QTMAN: variants seen among roughly 807,000 people sequenced by gnomAD.
QTMAN encodes the protein tRNA-queuosine alpha-mannosyltransferase.
the QTMAN span, among the ~76,000 whole-genome samples, chr2:144,191,403 A>G: frequency 6.6e-6 from 1 of 152,250 alleles, no homozygotes; most frequent in African/African-American, 2.4e-5. Context: ...TGCAATGTGC[A>G]GAACAAGGAA....
chr2:143,986,079 T>A, the QTMAN span, among the ~76,000 whole-genome samples: 1 of 152,200 alleles, frequency 6.6e-6, no homozygotes, highest in Non-Finnish European at 1.5e-5. Context: ...CTAGAGGTTT[T>A]AAGGGGTCTC....
At chr2:144,232,263 A>T in the QTMAN span, among the ~76,000 whole-genome samples, 4 of 152,214 alleles carry the variant, frequency 2.6e-5, no homozygotes, top group Non-Finnish European at 5.9e-5. Flanking sequence ...ATGAGAGAAA[A>T]TAACAGGTGA....
the QTMAN span, among the ~76,000 whole-genome samples, chr2:144,230,997 C>T: frequency 6.6e-6 from 1 of 151,986 alleles, no homozygotes; most frequent in African/African-American, 2.4e-5. Context: ...AAAAAGTGAG[C>T]AGTGTGAGAT....
chr2:143,954,454 C>T, the QTMAN span, among the ~76,000 whole-genome samples: 2 of 151,822 alleles, frequency 1.3e-5, no homozygotes, highest in Non-Finnish European at 2.9e-5. Context: ...TTTGAGTCAT[C>T]GTATGAATAT....
the QTMAN span, among the ~76,000 whole-genome samples, chr2:143,976,808 T>C: frequency 1.3e-5 from 2 of 152,178 alleles, no homozygotes; most frequent in Admixed American, 1.3e-4. Flanking sequence ...TACTTAAGAG[T>C]TGACAAAGAC....
the QTMAN span, among the ~76,000 whole-genome samples, chr2:144,045,637 C>T: frequency 5.3e-5 from 8 of 152,160 alleles, no homozygotes; most frequent in African/African-American, 1.7e-4. Flanking sequence ...GAGGGACTAC[C>T]ACTTTTCCTG....
the QTMAN span, among the ~76,000 whole-genome samples, chr2:144,081,870 T>C: frequency 6.6e-6 from 1 of 152,098 alleles, no homozygotes; most frequent in Non-Finnish European, 1.5e-5. Flanking sequence ...ACTGTTAACA[T>C]ACTTTAGGGG....
the QTMAN span, among the ~76,000 whole-genome samples, chr2:144,290,502 A>G: frequency 6.6e-6 from 1 of 152,160 alleles, no homozygotes; most frequent in Non-Finnish European, 1.5e-5. Flanking sequence ...TAATCCTTTT[A>G]AAGTGTAGAT....
chr2:144,102,409 A>G, the QTMAN span, among the ~76,000 whole-genome samples: 6 of 152,350 alleles, frequency 3.9e-5, no homozygotes, highest in African/African-American at 1.4e-4. Context: ...GTTTAAAAAA[A>G]GTTTTATTTA....
At chr2:144,232,544 A>G in the QTMAN span, among the ~76,000 whole-genome samples, 2 of 152,170 alleles carry the variant, frequency 1.3e-5, no homozygotes. Context: ...TTTTCTTCTC[A>G]AAGTAATTTT....
chr2:144,171,422 C>T, the QTMAN span, among the ~76,000 whole-genome samples: 1 of 152,154 alleles, frequency 6.6e-6, no homozygotes, highest in Non-Finnish European at 1.5e-5. Context: ...ACCTCCGTGA[C>T]AGTATTAAAA....
the QTMAN span, among the ~76,000 whole-genome samples, chr2:143,997,816 T>C: frequency 1.3e-5 from 2 of 152,078 alleles, no homozygotes; most frequent in African/African-American, 2.4e-5. Flanking sequence ...CTCACTCATC[T>C]AGATGCTGAA....
the QTMAN span, among the ~76,000 whole-genome samples, chr2:144,075,987 G>A: frequency 2.6e-5 from 4 of 152,208 alleles, no homozygotes; most frequent in South Asian, 2.1e-4. Context: ...AGTGGCTCAC[G>A]CCTGTAATCC....
the QTMAN span, among the ~76,000 whole-genome samples, chr2:143,961,732 C>T: frequency 2.6e-5 from 4 of 152,108 alleles, no homozygotes. Context: ...GGCAATGGAT[C>T]TTCTGGTTTC....
the QTMAN span, among the ~76,000 whole-genome samples, chr2:144,193,175 TAA>T: frequency 6.6e-6 from 1 of 152,030 alleles, no homozygotes; most frequent in African/African-American, 2.4e-5. Flanking sequence ...GTTTACTAGA[TAA>T]GAGAGCAATT....
At chr2:144,050,392 T>C in the QTMAN span, among the ~76,000 whole-genome samples, 6 of 151,966 alleles carry the variant, frequency 3.9e-5, no homozygotes, top group African/African-American at 1.4e-4. Context: ...TGCCCAAAAA[T>C]AAATCAGCTG....
At chr2:144,082,227 C>T in the QTMAN span, among the ~76,000 whole-genome samples, 1 of 152,018 alleles carries the variant, frequency 6.6e-6, no homozygotes, top group Admixed American at 6.6e-5. Flanking sequence ...AACAAAAAGC[C>T]CCTTCTGCTG....
At chr2:144,038,309 T>C in the QTMAN span, among the ~76,000 whole-genome samples, 2 of 121,818 alleles carry the variant, frequency 1.6e-5, no homozygotes, top group African/African-American at 5.3e-5. Context: ...GACATATATA[T>C]AACATATATA....
At chr2:144,299,097 G>A in the QTMAN span, among the ~76,000 whole-genome samples, 2 of 152,284 alleles carry the variant, frequency 1.3e-5, no homozygotes, top group Non-Finnish European at 2.9e-5. Context: ...TACTGCTATA[G>A]AACACTTCAG....
Sources: gnomAD v4.1 joint callset for allele counts (sites outside exome capture counted in the v4.1 genomes callset) on GRCh38, gnomAD v4.1.1 for gene constraint, MANE v1.5 for transcripts, NCBI Gene and HGNC (gene_info 2026-07-23, HGNC 2026-07-21) for gene names.